The following UEVLD variants were observed in gnomAD, a reference collection of about 807,000 sequenced individuals.
The protein encoded by UEVLD is UEV and lactate/malate dehyrogenase domains.
In UEVLD, 47 loss-of-function variants were observed where a neutral mutation model predicts 58.6. The ratio of observed to expected loss-of-function variants is 0.80; its 90% CI spans 0.63 to 1.02. UEVLD has a LOEUF of 1.02. UEVLD is among the 50% of genes least tolerant of loss of function. The pLI, the probability that UEVLD is intolerant of heterozygous loss-of-function variation, is 0.00. For synonymous variants in UEVLD, 197 were observed against 195.3 expected, an observed-to-expected ratio of 1.01 and a Z score of -0.07; for missense variants, 510 against 550.6, an observed-to-expected ratio of 0.93 and a Z score of 0.74.
At chr11:18,552,952 G>A (rs28607050) in intron 7 of UEVLD, among the ~76,000 whole-genome samples, 26,638 of 151,382 alleles carry the variant, frequency 0.18, 2,722 homozygotes, top group East Asian at 0.4. Context: ...TCAGCAGATC[G>A]AGACCATCCT....
chr11:18,568,668 C>T (rs1852418020), intron 4 of UEVLD, among the ~76,000 whole-genome samples: 1 of 151,950 alleles, frequency 6.6e-6, no homozygotes, highest in Non-Finnish European at 1.5e-5. Flanking sequence ...ACTGATAATC[C>T]GAAGTATGTC....
intron 1 of UEVLD, among the ~76,000 whole-genome samples, 194 bp from the exon 2 acceptor site, chr11:18,579,002 G>A (rs1189404343): frequency 6.6e-6 from 1 of 151,986 alleles, no homozygotes; most frequent in African/African-American, 2.4e-5. Flanking sequence ...TGAGTTGCTG[G>A]GATTACAGGC....
intron 2 of UEVLD, among the ~76,000 whole-genome samples, chr11:18,577,218 C>T (rs989404363): frequency 6.6e-5 from 10 of 151,916 alleles, no homozygotes; most frequent in African/African-American, 1.2e-4. Flanking sequence ...TCCAGTCTCC[C>T]GCAAAAACAA....
At chr11:18,538,859 C>T (rs1850927451) in intron 9 of UEVLD, 1 of 149,844 alleles carries the variant, frequency 6.7e-6, no homozygotes, top group African/African-American at 2.4e-5. Flanking sequence ...GTGAAACCCC[C>T]ATCTCTACTA....
chr11:18,542,906 T>TTTTTTC (rs56991491), intron 9 of UEVLD, among the ~76,000 whole-genome samples: 1 of 149,770 alleles, frequency 6.7e-6, no homozygotes, highest in African/African-American at 2.4e-5. Context: ...TTTTTTTTTT[T>TTTTTTC]CTTTGAGACT....
chr11:18,534,582 G>T, intron 10 of UEVLD, 129 bp from the exon 11 acceptor site: 1 of 933,022 alleles, frequency 1.1e-6, no homozygotes, highest in Non-Finnish European at 1.5e-6. Context: ...TGTTAGGGAA[G>T]CCTATAGATA....
chr11:18,549,252 G>A (rs1490556225), intron 7 of UEVLD, among the ~76,000 whole-genome samples: 1 of 152,148 alleles, frequency 6.6e-6, no homozygotes, highest in African/African-American at 2.4e-5. Context: ...ATGTGGAGAG[G>A]TTAGGTGGTC....
chr11:18,544,815 G>A lies in UEVLD; in HGVS notation c.887-19C>T, dbSNP rs1322275611. ...ATTTCCACTAAATATTGCATACAAG[G>A]TAAAAAATGTAAAGGTTAAAAAATA... is the stretch of plus-strand genomic sequence containing the variant. On this transcript the variant is annotated intron_variant, in intron 8 of 11. Transcript: ENST00000396197. 8.0e-6 allele frequency: 12 copies of A among 1,491,860 alleles called. No individual in the cohort carries two copies. The South Asian group carries it at 1.7e-4, about 21-fold the overall frequency. 92.4% of individuals were successfully genotyped at this position (1,491,860 alleles called of 1,614,324 possible).
At chr11:18,558,715 C>T (rs1285950708) in intron 6 of UEVLD, among the ~76,000 whole-genome samples, 2 of 149,556 alleles carry the variant, frequency 1.3e-5, no homozygotes, top group Non-Finnish European at 3.0e-5. Flanking sequence ...ACCCAGGAGG[C>T]AGAGTTGCAG....
At chr11:18,588,192 T>C (rs765738160) in intron 1 of UEVLD, among the ~76,000 whole-genome samples, 1 of 150,496 alleles carries the variant, frequency 6.6e-6, no homozygotes, top group East Asian at 2.0e-4. Flanking sequence ...TGATAATCGA[T>C]ATCTTTCAAA....
At chr11:18,551,410 A>AGT (rs1565118554) in intron 7 of UEVLD, among the ~76,000 whole-genome samples, 1 of 119,222 alleles carries the variant, frequency 8.4e-6, no homozygotes, top group Non-Finnish European at 1.9e-5. Context: ...GCAACCGAGT[A>AGT]AGACTCCATC....
At chr11:18,571,989 C>G (rs1331359935) in intron 3 of UEVLD, among the ~76,000 whole-genome samples, 1 of 152,184 alleles carries the variant, frequency 6.6e-6, no homozygotes, top group Non-Finnish European at 1.5e-5. Flanking sequence ...GTAATCCCAG[C>G]ACTTTGGGAG....
intron 7 of UEVLD, among the ~76,000 whole-genome samples, chr11:18,557,106 A>G (rs553728340): frequency 1.1e-4 from 17 of 151,158 alleles, no homozygotes; most frequent in Middle Eastern, 6.8e-3. Context: ...AAAAAAAAAA[A>G]AGAGAGAGAG....
intron 7 of UEVLD, among the ~76,000 whole-genome samples, chr11:18,556,650 T>C (rs920701430): frequency 6.6e-6 from 1 of 152,234 alleles, no homozygotes; most frequent in Non-Finnish European, 1.5e-5. Flanking sequence ...TTTATTCTAG[T>C]TCAGTGGCCT....
rs1850519749 is a variant in UEVLD, at chr11:18,530,414, T to C, written c.*1906A>G. The C allele has an allele frequency of 6.6e-6, 1 of 152,248 alleles. No individual in the cohort carries two copies. The highest frequency in any genetic ancestry group is 6.5e-5 in the Admixed American group (1 of 15,280). The allele number at this position is 152,248 out of a possible 1,614,324, so 9.4% of individuals were successfully genotyped here. On this transcript the variant is annotated 3_prime_UTR_variant, in exon 12 of 12. Transcript: ENST00000396197. ...ACTGAATATAATTTCACCTTTTCTT[T>C]ATGACTAAAGTTCATCATTATAAGC... is the stretch of plus-strand genomic sequence containing the variant.
At chr11:18,558,795 A>AC (rs1429446568) in intron 6 of UEVLD, among the ~76,000 whole-genome samples, 2 of 152,038 alleles carry the variant, frequency 1.3e-5, no homozygotes, top group Non-Finnish European at 2.9e-5. Flanking sequence ...AAAAAAAAAA[A>AC]AGAAATTATG....
At chr11:18,583,748 A>T (rs187681052) in intron 1 of UEVLD, among the ~76,000 whole-genome samples, 1 of 142,652 alleles carries the variant, frequency 7.0e-6, no homozygotes, top group Non-Finnish European at 1.5e-5. Flanking sequence ...CGCAACCTGC[A>T]CTGCCCAGGT....
In UEVLD at chr11:18,588,704, C is replaced by T. The variant is rs1325342608; in HGVS notation, c.-50G>A. 1 of 1,591,084 alleles carries T rather than the reference C, an allele frequency of 6.3e-7. No homozygotes were observed. Among genetic ancestry groups the T allele is most frequent in the Non-Finnish European group, 8.5e-7 (1 of 1,173,610 alleles). On this transcript the variant is annotated 5_prime_UTR_variant, in exon 1 of 12. Transcript: ENST00000396197. ...CCCAGGACTCCAGCCCCCGGACCTT[C>T]TTCCGGACTTGCTGCAGGACGGAAG...
At position 18,549,798 on chromosome 11, in the gene UEVLD, A is replaced by G. The variant is rs1256362642; in HGVS notation, c.716-2748T>C. ...ATCAAGCTCTCGGGCCTTTTAATCA[A>G]TTCCTCTGAGTTTATTTTTTATTTA... On this transcript the variant is annotated intron_variant, in intron 7 of 11. Coordinates refer to ENST00000396197, the MANE Select transcript of UEVLD (RefSeq NM_001040697.4). 4.6e-5 allele frequency among the ~76,000 whole-genome samples: 7 copies of G among 151,702 alleles called. No individual in the cohort carries two copies. The East Asian group carries it at 1.4e-3, about 29-fold the overall frequency.
Sources: gnomAD v4.1 joint callset for allele counts (sites outside exome capture counted in the v4.1 genomes callset) on GRCh38, gnomAD v4.1.1 for gene constraint, MANE v1.5 for transcripts, NCBI Gene and HGNC (gene_info 2026-07-23, HGNC 2026-07-21) for gene names.